Variants in MYRIP observed in about 807,000 individuals in gnomAD.
MYRIP encodes the protein rab effector MyRIP.
A neutral mutation model predicts 98.0 loss-of-function variants in MYRIP; 49 were observed. The observed-to-expected ratio is 0.50, with a 90% CI of 0.40 to 0.63. MYRIP has a LOEUF of 0.63. Ranked by LOEUF, MYRIP falls within the 30% of genes least tolerant of loss-of-function variation. The pLI, the probability that MYRIP is intolerant of heterozygous loss-of-function variation, is 0.00. For missense variants in MYRIP, 1,004 were observed against 1,058.2 expected, an observed-to-expected ratio of 0.95 and a Z score of 0.71; for synonymous variants, 404 against 409.5, an observed-to-expected ratio of 0.99 and a Z score of 0.16.
chr3:39,853,707 C>G (rs956313973), intron 1 of MYRIP, among the ~76,000 whole-genome samples: 7 of 152,034 alleles, frequency 4.6e-5, no homozygotes, highest in Non-Finnish European at 7.4e-5. Context: ...TGTGGGTTCT[C>G]TGTTTATTCT....
intron 10 of MYRIP, among the ~76,000 whole-genome samples, chr3:40,193,057 G>A (rs1054329671): frequency 1.3e-5 from 2 of 152,092 alleles, no homozygotes; most frequent in African/African-American, 4.8e-5. Flanking sequence ...GGAACTTTTT[G>A]AAACAATAAG....
intron 16 of MYRIP, among the ~76,000 whole-genome samples, chr3:40,253,429 G>A (rs558227725): frequency 2.0e-4 from 30 of 152,186 alleles, no homozygotes; most frequent in South Asian, 6.2e-4. Context: ...GTGAAGAGGC[G>A]GATATAAACA....
chr3:40,088,861 T>C (rs1414253367), intron 3 of MYRIP, among the ~76,000 whole-genome samples: 1 of 152,220 alleles, frequency 6.6e-6, no homozygotes, highest in Non-Finnish European at 1.5e-5. Context: ...ACAATGGCTC[T>C]GGCTGCTGGC....
chr3:40,224,371 A>G (rs1952429393), intron 11 of MYRIP, among the ~76,000 whole-genome samples: 1 of 151,888 alleles, frequency 6.6e-6, no homozygotes, highest in African/African-American at 2.4e-5. Context: ...GTTTCCAATC[A>G]ATATTAGGAA....
At chr3:40,130,380 T>TA (rs1949611130) in intron 3 of MYRIP, among the ~76,000 whole-genome samples, 1 of 105,120 alleles carries the variant, frequency 9.5e-6, no homozygotes, top group Non-Finnish European at 1.9e-5. Flanking sequence ...TCCAAATTTC[T>TA]TTTTTTTTTT....
At chr3:39,883,352 C>T (rs770783283) in intron 1 of MYRIP, among the ~76,000 whole-genome samples, 1 of 152,056 alleles carries the variant, frequency 6.6e-6, no homozygotes, top group Non-Finnish European at 1.5e-5. Flanking sequence ...CAGCACCTGA[C>T]GGAAACAAAC....
intron 3 of MYRIP, among the ~76,000 whole-genome samples, chr3:40,134,457 G>A (rs552508824): frequency 1.4e-4 from 21 of 152,360 alleles, no homozygotes; most frequent in Admixed American, 9.1e-4. Flanking sequence ...ACCTCTGGGG[G>A]CAGGGCACAG....
In MYRIP at chr3:39,809,638, C is replaced by A. The variant is rs1351161187; in HGVS notation, c.-309C>A. The A allele has an allele frequency of 1.3e-5, 2 of 151,726 alleles. No homozygotes were observed. The highest frequency in any genetic ancestry group is 2.9e-5 in the Non-Finnish European group (2 of 67,836). 9.4% of individuals were successfully genotyped at this position (151,726 alleles called of 1,614,324 possible). On this transcript the variant is annotated 5_prime_UTR_variant, in exon 1 of 17. Transcript: ENST00000302541. ...TGGCCCTGGCTGCCTGCGGCGCGGG[C>A]GCCTCCCTCGCAGCCGCTGCTGCCG...
chr3:40,035,933 T>C (rs1367457952), intron 2 of MYRIP, among the ~76,000 whole-genome samples: 1 of 151,656 alleles, frequency 6.6e-6, no homozygotes, highest in Non-Finnish European at 1.5e-5. Context: ...ATTATTAAAA[T>C]GGAAACTAGA....
intron 2 of MYRIP, among the ~76,000 whole-genome samples, chr3:40,014,274 T>A (rs1487005550): frequency 6.6e-6 from 1 of 152,194 alleles, no homozygotes; most frequent in South Asian, 2.1e-4. Flanking sequence ...TTTATTTGAA[T>A]TTTTTCCCTG....
intron 4 of MYRIP, among the ~76,000 whole-genome samples, chr3:40,162,377 C>T (rs1365175568): frequency 6.6e-6 from 1 of 152,138 alleles, no homozygotes; most frequent in Non-Finnish European, 1.5e-5. Context: ...ATTCCAGATG[C>T]AGCCATGCCA....
At chr3:39,894,702 A>G (rs1213009686) in intron 1 of MYRIP, among the ~76,000 whole-genome samples, 1 of 152,206 alleles carries the variant, frequency 6.6e-6, no homozygotes, top group Admixed American at 6.5e-5. Flanking sequence ...TGATTGTACC[A>G]CAACTTAACC....
intron 11 of MYRIP, among the ~76,000 whole-genome samples, chr3:40,227,736 G>A (rs1428720068): frequency 6.6e-6 from 1 of 152,128 alleles, no homozygotes; most frequent in Non-Finnish European, 1.5e-5. Context: ...CACCAGCATT[G>A]TGCCCATCTC....
chr3:39,816,016 A>C (rs556243683), intron 1 of MYRIP, among the ~76,000 whole-genome samples: 1 of 151,766 alleles, frequency 6.6e-6, no homozygotes, highest in Non-Finnish European at 1.5e-5. Context: ...TTGTATTATG[A>C]AAACGTTATA....
chr3:39,882,239 T>G (rs1052979616), intron 1 of MYRIP, among the ~76,000 whole-genome samples: 4 of 152,092 alleles, frequency 2.6e-5, no homozygotes, highest in Non-Finnish European at 2.9e-5. Flanking sequence ...GTGTTTTGCA[T>G]GTTAATTCTT....
At chr3:40,245,927 T>G (rs1953184880) in intron 13 of MYRIP, among the ~76,000 whole-genome samples, 1 of 146,642 alleles carries the variant, frequency 6.8e-6, no homozygotes, top group African/African-American at 2.5e-5. Flanking sequence ...TTTTTTTTTT[T>G]TTTTTGTATT....
At chr3:40,120,074 G>A (rs1459509244) in intron 3 of MYRIP, among the ~76,000 whole-genome samples, 2 of 152,102 alleles carry the variant, frequency 1.3e-5, no homozygotes, top group Non-Finnish European at 2.9e-5. Flanking sequence ...CTCAATGGCA[G>A]GCTTGTCATA....
At chr3:40,224,516 G>A (rs1465802475) in intron 11 of MYRIP, among the ~76,000 whole-genome samples, 6 of 152,018 alleles carry the variant, frequency 3.9e-5, no homozygotes, top group Non-Finnish European at 7.4e-5. Flanking sequence ...GGTCAAAGGT[G>A]ATGCCCCCAT....
intron 3 of MYRIP, among the ~76,000 whole-genome samples, chr3:40,128,192 T>C (rs1030494737): frequency 1.1e-4 from 16 of 152,150 alleles, no homozygotes; most frequent in African/African-American, 1.9e-4. Flanking sequence ...GGAGTTTTAA[T>C]AGGGGCTTAC....
Sources: allele counts gnomAD v4.1 joint callset (sites outside exome capture counted in the v4.1 genomes callset), GRCh38; gene constraint gnomAD v4.1.1; transcripts MANE v1.5; gene names NCBI Gene and HGNC (gene_info 2026-07-23, HGNC 2026-07-21).